FGF13: variants seen among roughly 807,000 people sequenced by gnomAD.
FGF13 encodes the protein fibroblast growth factor 13.
A neutral mutation model predicts 19.5 loss-of-function variants in FGF13; 2 were observed. The observed-to-expected ratio is 0.10, with a 90% CI of 0.04 to 0.32. The LOEUF is 0.32. Ranked by LOEUF, FGF13 falls within the 10% of genes least tolerant of loss-of-function variation. FGF13 has a pLI of 1.00. For synonymous variants in FGF13, 72 were observed against 76.9 expected, an observed-to-expected ratio of 0.94 and a Z score of 0.33; for missense variants, 113 against 192.7, an observed-to-expected ratio of 0.59 and a Z score of 2.45.
intron 3 of FGF13, among the ~76,000 whole-genome samples, chrX:138,828,201 C>T (rs1467590625): frequency 4.5e-5 from 5 of 112,066 alleles, no homozygotes; most frequent in Non-Finnish European, 1.9e-5. Context: ...CCCAAAGTAA[C>T]TTGCAAAAAA....
At chrX:138,954,621 T>C (rs976688541) in intron 1 of FGF13, among the ~76,000 whole-genome samples, 2 of 111,803 alleles carry the variant, frequency 1.8e-5, no homozygotes, top group Admixed American at 1.9e-4. Flanking sequence ...AATTCTACTT[T>C]ATTACATATA....
At chrX:138,952,786 T>G (rs1453389453) in intron 1 of FGF13, among the ~76,000 whole-genome samples, 1 of 111,476 alleles carries the variant, frequency 9.0e-6, no homozygotes, top group East Asian at 2.8e-4. Flanking sequence ...CAGACACTTC[T>G]CAAAAGAAGA....
At chrX:139,041,147 C>T (rs1391415379) in intron 1 of FGF13, among the ~76,000 whole-genome samples, 1 of 109,546 alleles carries the variant, frequency 9.1e-6, no homozygotes, top group East Asian at 2.9e-4. Context: ...CAGTAAACCA[C>T]CATGGCACAC....
chrX:138,642,620 C>CA (rs935273460), intron 3 of FGF13, among the ~76,000 whole-genome samples: 14 of 110,649 alleles, frequency 1.3e-4, no homozygotes, highest in Non-Finnish European at 1.7e-4. Flanking sequence ...AATCAATTTA[C>CA]AAAAAAAAGG....
chrX:139,026,511 G>A (rs1301083105), intron 1 of FGF13, among the ~76,000 whole-genome samples: 1 of 111,830 alleles, frequency 8.9e-6, no homozygotes, highest in East Asian at 2.8e-4. Flanking sequence ...GTTAGTCAAG[G>A]CAAGTAAAGC....
chrX:138,886,366 A>G (rs756518136), intron 1 of FGF13, among the ~76,000 whole-genome samples: 6 of 112,557 alleles, frequency 5.3e-5, no homozygotes, highest in Admixed American at 2.8e-4. Context: ...TATTTATAAT[A>G]CAGTGTTTTA....
At chrX:139,117,287 C>T (rs1057417659) in intron 1 of FGF13, among the ~76,000 whole-genome samples, 2 of 111,490 alleles carry the variant, frequency 1.8e-5, no homozygotes, top group African/African-American at 3.3e-5. Context: ...TCTTACAATG[C>T]ACATGACGGT....
chrX:138,947,325 T>A (rs1175691388), intron 1 of FGF13, among the ~76,000 whole-genome samples: 2 of 111,408 alleles, frequency 1.8e-5, no homozygotes, highest in African/African-American at 6.5e-5. Flanking sequence ...AGATAAAGGA[T>A]GCATGAGGAA....
chrX:138,925,334 C>G lies in FGF13; in HGVS notation c.-112-60684G>C, dbSNP rs747739917. 2.7e-5 allele frequency among the ~76,000 whole-genome samples: 3 copies of G among 111,331 alleles called. No homozygotes were observed. The South Asian group carries it at 1.2e-3, about 43-fold the overall frequency. ...TGTCTGACACTTTCTGCCTTACCAC[C>G]CTGTGTTATCACAATGATACCTTCA... On this transcript the variant is annotated intron_variant, in intron 1 of 2. Coordinates refer to the FGF13 transcript ENST00000421460.
chrX:139,109,286 G>A (rs917411625), intron 1 of FGF13, among the ~76,000 whole-genome samples: 2 of 111,676 alleles, frequency 1.8e-5, no homozygotes, highest in Non-Finnish European at 3.8e-5. Context: ...CAACTCATTA[G>A]TGTTTATTAA....
At chrX:139,056,023 T>C (rs1162206663) in intron 1 of FGF13, among the ~76,000 whole-genome samples, 1 of 112,215 alleles carries the variant, frequency 8.9e-6, no homozygotes, top group African/African-American at 3.2e-5. Flanking sequence ...AGTCCTCTCA[T>C]ACAGGGTTAG....
At chrX:138,725,348 C>T (rs1430992828) in intron 1 of FGF13, among the ~76,000 whole-genome samples, 3 of 111,298 alleles carry the variant, frequency 2.7e-5, no homozygotes, top group Admixed American at 9.6e-5. Context: ...ACTGCACCAA[C>T]AGGTCTGTAG....
chrX:139,192,770 A>G (rs145840938), intron 1 of FGF13, among the ~76,000 whole-genome samples: 1,471 of 111,706 alleles, frequency 0.013, 28 homozygotes, highest in African/African-American at 0.045. Context: ...GTATGACTCC[A>G]TCCAGCTTGA....
chrX:139,086,949 A>T (rs1245126315), intron 1 of FGF13, among the ~76,000 whole-genome samples: 3 of 112,430 alleles, frequency 2.7e-5, no homozygotes, highest in Non-Finnish European at 3.7e-5. Context: ...TCACGTTGTT[A>T]TCATAGTCAT....
intron 3 of FGF13, among the ~76,000 whole-genome samples, chrX:138,822,266 C>T (rs377195397): frequency 1.3e-4 from 14 of 111,836 alleles, no homozygotes; most frequent in Non-Finnish European, 2.6e-4. Context: ...AGTAATGCTA[C>T]GGATTGTCAA....
rs1406164418 is a variant in FGF13, at chrX:138,614,778, AG to A, written c.*18071del. 8.9e-6 allele frequency: 1 copy of A among 111,968 alleles called. No homozygotes were observed. The highest frequency in any genetic ancestry group is 1.9e-5 in the Non-Finnish European group (1 of 53,237). The allele number at this position is 111,968 out of a possible 1,213,427, so 9.2% of individuals were successfully genotyped here. On this transcript the variant is annotated 3_prime_UTR_variant, in exon 5 of 5. Transcript: ENST00000315930. Reference sequence around the variant, plus strand: ...TATTTGTAATAGCCCAAAAGTAGAAAGAACACAAATGTTGTTCAACAGGTGA... The same window carrying A: ...TATTTGTAATAGCCCAAAAGTAGAAAAACACAAATGTTGTTCAACAGGTGA...
intron 1 of FGF13, among the ~76,000 whole-genome samples, chrX:138,892,032 G>GTGTGTGTGTGTGTA (rs1569419135): frequency 7.1e-4 from 77 of 108,348 alleles, no homozygotes; most frequent in African/African-American, 2.5e-3. Context: ...GTGTGTGTGT[G>GTGTGTGTGTGTGTA]TATTATCTCC....
intron 1 of FGF13, among the ~76,000 whole-genome samples, chrX:138,914,004 A>G (rs1447347648): frequency 9.1e-6 from 1 of 110,220 alleles, no homozygotes; most frequent in Non-Finnish European, 1.9e-5. Flanking sequence ...CACCACTGAG[A>G]TAATTCCTCC....
intron 1 of FGF13, among the ~76,000 whole-genome samples, chrX:139,139,106 T>A (rs925665585): frequency 8.2e-5 from 9 of 110,216 alleles, no homozygotes; most frequent in Admixed American, 4.8e-4. Flanking sequence ...AATTTTTTTG[T>A]ATTTTTACTA....
Sources: gnomAD v4.1 joint callset for allele counts (sites outside exome capture counted in the v4.1 genomes callset) on GRCh38, gnomAD v4.1.1 for gene constraint, MANE v1.5 for transcripts, NCBI Gene and HGNC (gene_info 2026-07-23, HGNC 2026-07-21) for gene names.